GATAD2B: variants seen among roughly 807,000 people sequenced by gnomAD.
The protein encoded by GATAD2B is transcriptional repressor p66-beta.
In GATAD2B, 8 loss-of-function variants were observed where a neutral mutation model predicts 64.3. That is an observed-to-expected ratio of 0.12 (90% CI 0.07 to 0.22). The LOEUF (loss-of-function observed/expected upper bound fraction) is 0.22. GATAD2B is among the 10% of genes least tolerant of loss of function. The pLI is 1.00. For synonymous variants in GATAD2B, 281 were observed against 271.3 expected (o/e 1.04, Z -0.35); for missense variants, 453 against 752.0 (o/e 0.60, Z 4.65).
intron 1 of GATAD2B, among the ~76,000 whole-genome samples, chr1:153,902,938 C>T (rs905926064): frequency 1.2e-4 from 18 of 152,182 alleles, no homozygotes; most frequent in Admixed American, 8.5e-4. Flanking sequence ...GTGGTTACAG[C>T]CGGCCGCGGT....
At chr1:153,897,732 C>CTA (rs1416985948) in intron 1 of GATAD2B, among the ~76,000 whole-genome samples, 2 of 152,062 alleles carry the variant, frequency 1.3e-5, no homozygotes, top group Non-Finnish European at 2.9e-5. Flanking sequence ...ACCACTCCTG[C>CTA]TATATAGGTT....
At chr1:153,858,422 T>C (rs1424359303) in intron 1 of GATAD2B, among the ~76,000 whole-genome samples, 2 of 152,146 alleles carry the variant, frequency 1.3e-5, no homozygotes, top group Middle Eastern at 3.4e-3. Flanking sequence ...CTAGGCAACA[T>C]GGCAAAGCCC....
chr1:153,898,374 T>C (rs11800001), intron 1 of GATAD2B, among the ~76,000 whole-genome samples: 68,284 of 149,316 alleles, frequency 0.46, 16,273 homozygotes, highest in Non-Finnish European at 0.53. Context: ...AAAAAGAAAT[T>C]ATAATAAACT....
At chr1:153,834,311 G>A (rs937257282) in intron 1 of GATAD2B, among the ~76,000 whole-genome samples, 3 of 150,924 alleles carry the variant, frequency 2.0e-5, no homozygotes, top group South Asian at 2.1e-4. Context: ...CCAAGACCCT[G>A]TCTCTATAAA....
At position 153,851,667 on chromosome 1, in the gene GATAD2B, G is replaced by A. The variant is rs957032509; in HGVS notation, c.-1-23319C>T. 4.0e-5 allele frequency among the ~76,000 whole-genome samples: 6 copies of A among 151,760 alleles called. No individual in the cohort carries two copies. The East Asian group carries it at 9.7e-4, about 24-fold the overall frequency. The stretch of plus-strand genomic sequence containing the variant: ...GAATTCAAAGGTAGTATTCCTATTT[G>A]AGAAATAAAAAACTAAAATCAAGTT... On this transcript the variant is annotated intron_variant, in intron 1 of 10. Coordinates refer to ENST00000368655, the MANE Select transcript of GATAD2B (RefSeq NM_020699.4).
chr1:153,902,483 T>C (rs1677809376), intron 1 of GATAD2B, among the ~76,000 whole-genome samples: 2 of 152,074 alleles, frequency 1.3e-5, no homozygotes, highest in Non-Finnish European at 2.9e-5. Context: ...AGACAGGGTC[T>C]CACTCTTGTC....
At chr1:153,831,316 T>C (rs1357422821) in intron 1 of GATAD2B, among the ~76,000 whole-genome samples, 4 of 152,014 alleles carry the variant, frequency 2.6e-5, no homozygotes, top group African/African-American at 9.7e-5. Flanking sequence ...AGGGGGAACA[T>C]CACACACCTG....
Position 153,819,668 on chromosome 1 carries a change from T to C in GATAD2B, c.403A>G (p.Ser135Gly), listed in dbSNP as rs1674607939. The part of the protein sequence containing the change: ...IIVLSDNEAS[S>G]PRSSSRMEER... ...TCCATTCTGGAACTGGAACGGGGAC[T>C]GGAAGCCTCATTGTCAGACAAAACA... Residue 135 changes from serine to glycine, a missense_variant, in exon 3 of 11, where the codon AGT becomes GGT. Physicochemically the swap from Ser to Gly is moderately conservative, Grantham distance 56. Around this residue, in one of 2 missense-constraint regions of GATAD2B, gnomAD observed 293 missense variants for 417.2 expected, o/e 0.70. Transcript: ENST00000368655. 6.2e-7 allele frequency: 1 copy of C among 1,611,560 alleles called. No homozygotes were observed. Among genetic ancestry groups the C allele is most frequent in the Non-Finnish European group, 8.5e-7 (1 of 1,178,260 alleles).
intron 2 of GATAD2B, among the ~76,000 whole-genome samples, chr1:153,827,340 G>A (rs577465451): frequency 6.6e-6 from 1 of 151,698 alleles, no homozygotes; most frequent in South Asian, 2.1e-4. Flanking sequence ...TCACTGCACA[G>A]GGAGACTCAA....
intron 1 of GATAD2B, among the ~76,000 whole-genome samples, chr1:153,854,360 G>A (rs774232274): frequency 4.6e-5 from 7 of 151,964 alleles, no homozygotes; most frequent in Non-Finnish European, 1.0e-4. Context: ...CCGAGATCTT[G>A]CCACTGCACT....
At chr1:153,900,480 G>C (rs575419920) in intron 1 of GATAD2B, among the ~76,000 whole-genome samples, 1 of 152,158 alleles carries the variant, frequency 6.6e-6, no homozygotes, top group African/African-American at 2.4e-5. Flanking sequence ...TCTGGGACCA[G>C]AATTCACCTA....
chr1:153,833,811 CAAAAAAA>C (rs71093292), intron 1 of GATAD2B, among the ~76,000 whole-genome samples: 2 of 61,942 alleles, frequency 3.2e-5, no homozygotes, highest in African/African-American at 5.9e-5. Context: ...ACTCAGTCTC[CAAAAAAA>C]AAAAAAAAAA....
At chr1:153,827,484 G>GTA (rs1314691639) in intron 2 of GATAD2B, 1 of 154,040 alleles carries the variant, frequency 6.5e-6, no homozygotes, top group African/African-American at 2.4e-5. Flanking sequence ...TAACATACAT[G>GTA]TACAAGTGAA....
chr1:153,830,350 G>C (rs983093355), intron 1 of GATAD2B, among the ~76,000 whole-genome samples: 1 of 151,958 alleles, frequency 6.6e-6, no homozygotes, highest in Non-Finnish European at 1.5e-5. Flanking sequence ...GTTTCACCAT[G>C]TTGGCCAGGA....
intron 1 of GATAD2B, among the ~76,000 whole-genome samples, chr1:153,868,276 T>G (rs992655918): frequency 1.3e-5 from 2 of 152,164 alleles, no homozygotes; most frequent in South Asian, 4.1e-4. Flanking sequence ...ACCCATTCCA[T>G]GTTAACATAA....
At chr1:153,883,578 T>C (rs908529970) in intron 1 of GATAD2B, among the ~76,000 whole-genome samples, 5 of 152,246 alleles carry the variant, frequency 3.3e-5, no homozygotes, top group Admixed American at 6.6e-5. Context: ...AAACCAATTA[T>C]GAATTTTAAA....
At chr1:153,917,131 CG>C (rs999272939) in intron 1 of GATAD2B, among the ~76,000 whole-genome samples, 2 of 149,960 alleles carry the variant, frequency 1.3e-5, no homozygotes, top group Admixed American at 6.7e-5. Flanking sequence ...CTGAGTCACA[CG>C]CTGTCACCCA....
intron 1 of GATAD2B, among the ~76,000 whole-genome samples, chr1:153,848,409 T>C (rs925263124): frequency 2.0e-5 from 3 of 152,206 alleles, no homozygotes; most frequent in African/African-American, 4.8e-5. Flanking sequence ...CAATCTTCCT[T>C]CCTTCTTGAA....
chr1:153,865,944 C>T (rs1263031304), intron 1 of GATAD2B, among the ~76,000 whole-genome samples: 1 of 152,114 alleles, frequency 6.6e-6, no homozygotes, highest in Non-Finnish European at 1.5e-5. Context: ...GTGGCTCATG[C>T]CTGTAATCCC....
Sources: gnomAD v4.1 joint callset for allele counts (sites outside exome capture counted in the v4.1 genomes callset) on GRCh38, gnomAD v4.1.1 for gene constraint, gnomAD v4.1.1 regional missense constraint, MANE v1.5 for transcripts, NCBI Gene and HGNC (gene_info 2026-07-23, HGNC 2026-07-21) for gene names.